Variants in UBN2 observed in about 807,000 individuals in gnomAD.
The protein encoded by UBN2 is ubinuclein 2.
A neutral mutation model predicts 120.2 loss-of-function variants in UBN2; 35 were observed. The observed-to-expected ratio is 0.29, with a 90% confidence interval of 0.22 to 0.39. UBN2 has a LOEUF of 0.39. Ranked by LOEUF, UBN2 falls within the 10% of genes least tolerant of loss-of-function variation. UBN2 has a pLI of 1.00. For synonymous variants in UBN2, 661 were observed against 648.7 expected (o/e 1.02, Z -0.29); for missense variants, 1,693 against 1,663.2 (o/e 1.02, Z -0.31).
rs1307805270 is a variant in UBN2, at chr7:139,308,055, C to T, written c.*10219C>T. The stretch of plus-strand genomic sequence containing the variant: ...TTTTTTTTTTTTAATTTTTTTGCAA[C>T]AGCCTTGCTCATATTCCAGGTGTAG... On this transcript the variant is annotated 3_prime_UTR_variant, in exon 18 of 18. Coordinates refer to ENST00000473989, the MANE Select transcript of UBN2 (RefSeq NM_173569.4). 1.4e-5 allele frequency: 2 copies of T among 147,826 alleles called. No individual in the cohort carries two copies. Among genetic ancestry groups the T allele is most frequent in the African/African-American group, 2.5e-5 (1 of 39,860 alleles). 9.2% of individuals were successfully genotyped at this position (147,826 alleles called of 1,614,324 possible). A position where few individuals can be genotyped will look rare whatever the true frequency, so the allele number is the denominator to read the frequency against.
In UBN2 at chr7:139,239,866, A is replaced by G. The variant is rs140056660; in HGVS notation, c.561+2769A>G. 3.0e-3 allele frequency among the ~76,000 whole-genome samples: 452 copies of G among 152,244 alleles called. 1 individual carries two copies. The highest frequency in any genetic ancestry group is 4.7e-3 in the Non-Finnish European group (317 of 67,992). On this transcript the variant is annotated intron_variant, in intron 2 of 17. Transcript: ENST00000473989. ...CCACTGCGCCCAGCCTAGAGTGTCT[A>G]TTTTGCTGTGGGTTACAAAATCAAG...
intron 3 of UBN2, among the ~76,000 whole-genome samples, chr7:139,255,391 G>A (rs759005007): frequency 5.3e-5 from 8 of 152,174 alleles, no homozygotes; most frequent in Non-Finnish European, 1.0e-4. Flanking sequence ...TTTTTATTGT[G>A]TGTGTATGTG....
chr7:139,244,367 TA>T (rs752317253), intron 2 of UBN2, among the ~76,000 whole-genome samples: 1 of 152,148 alleles, frequency 6.6e-6, no homozygotes, highest in Admixed American at 6.6e-5. Flanking sequence ...TCTTACACTA[TA>T]AAAAAATTTT....
At chr7:139,311,855 T>TA (rs1457528470), downstream of UBN2, among the ~76,000 whole-genome samples, 1 of 152,208 alleles carries the variant, frequency 6.6e-6, no homozygotes, top group African/African-American at 2.4e-5. Context: ...TGAGTGGTCT[T>TA]ACAGATATTT....
intron 15 of UBN2, among the ~76,000 whole-genome samples, chr7:139,288,785 C>T (rs534849683): frequency 2.0e-5 from 3 of 151,998 alleles, no homozygotes; most frequent in East Asian, 1.9e-4. Flanking sequence ...GAGCGGATCA[C>T]GAGGTCAGGA....
intron 15 of UBN2, among the ~76,000 whole-genome samples, chr7:139,289,749 C>T (rs891137262): frequency 1.3e-5 from 2 of 152,042 alleles, no homozygotes; most frequent in African/African-American, 4.8e-5. Context: ...AATTACACTC[C>T]TTCAGAAAAG....
chr7:139,270,270 CTTTT>C (rs563161456), intron 8 of UBN2, among the ~76,000 whole-genome samples: 3 of 134,392 alleles, frequency 2.2e-5, no homozygotes. Flanking sequence ...AGCAGAAATA[CTTTT>C]TTTTTTTTTT....
rs565201395 is a variant in UBN2, at chr7:139,280,646, T to C, written c.2067+1286T>C. Among the ~76,000 whole-genome samples, 28 of 152,234 alleles carry C rather than the reference T, an allele frequency of 1.8e-4. No individual in the cohort carries two copies. In the South Asian group the frequency reaches 5.8e-3, roughly 32 times the overall value. On this transcript the variant is annotated intron_variant, in intron 13 of 17. Coordinates refer to ENST00000473989, the MANE Select transcript of UBN2 (RefSeq NM_173569.4). ...CAGGGTAAATAGTCTTCTTTTTCTTTTTCTTGTTTTTCTTTTGGAGACAGA... is the reference window on the plus strand; with the variant it reads ...CAGGGTAAATAGTCTTCTTTTTCTTCTTCTTGTTTTTCTTTTGGAGACAGA...
the UBN2 span, among the ~76,000 whole-genome samples, chr7:139,323,555 GATTATTATTATT>G: frequency 0.16 from 22,411 of 141,502 alleles, 2,141 homozygotes; most frequent in Admixed American, 0.3. Flanking sequence ...TTCTGGACCT[GATTATTATTATT>G]ATTATTATTA....
chr7:139,276,288 A>T (rs1312807825), intron 12 of UBN2, 141 bp downstream of exon 12: 1 of 776,890 alleles, frequency 1.3e-6, no homozygotes, highest in African/African-American at 1.8e-5. Context: ...TTCAGAACAC[A>T]TTTATCTATT....
At chr7:139,252,203 C>A in intron 3 of UBN2, 146 bp downstream of exon 3, 3 of 443,356 alleles carry the variant, frequency 6.8e-6, no homozygotes, top group South Asian at 4.4e-5. Flanking sequence ...TTTCTTTACC[C>A]TTTTTTTTTT....
intron 5 of UBN2, among the ~76,000 whole-genome samples, chr7:139,260,317 C>G (rs536966639): frequency 2.6e-5 from 4 of 151,778 alleles, no homozygotes; most frequent in African/African-American, 9.7e-5. Context: ...AGGCTGGTCT[C>G]GAACTCCTGG....
the UBN2 span, among the ~76,000 whole-genome samples, chr7:139,323,855 C>T: frequency 6.6e-6 from 1 of 151,930 alleles, no homozygotes; most frequent in African/African-American, 2.4e-5. Context: ...TTCGTAGATG[C>T]AAGGAAAAAG....
At chr7:139,325,088 A>G in the UBN2 span, among the ~76,000 whole-genome samples, 1 of 152,180 alleles carries the variant, frequency 6.6e-6, no homozygotes, top group Non-Finnish European at 1.5e-5. Context: ...AAATGTTGAT[A>G]AAAGTATTTT....
At chr7:139,316,781 A>G in the UBN2 span, among the ~76,000 whole-genome samples, 7 of 149,612 alleles carry the variant, frequency 4.7e-5, no homozygotes, top group South Asian at 2.1e-4. Flanking sequence ...GTGTGTGTGT[A>G]TATATATATA....
intron 13 of UBN2, 46 bp downstream of exon 13, chr7:139,279,406 T>C (rs1233850216): frequency 7.1e-7 from 1 of 1,416,544 alleles, no homozygotes; most frequent in Admixed American, 1.9e-5. Context: ...TTGGTGAATG[T>C]TGAAATACAT....
intron 15 of UBN2, among the ~76,000 whole-genome samples, chr7:139,286,537 G>T (rs1389926261): frequency 6.6e-6 from 1 of 151,930 alleles, no homozygotes; most frequent in Non-Finnish European, 1.5e-5. Context: ...TTAGAAAAAA[G>T]AAAATAAAAA....
rs1454511526 is a variant in UBN2, at chr7:139,306,671, G to A, written c.*8835G>A. On this transcript the variant is annotated 3_prime_UTR_variant, in exon 18 of 18. Coordinates refer to ENST00000473989, the MANE Select transcript of UBN2 (RefSeq NM_173569.4). ...CACTGCCCTTTTGTTGATTGTCATT[G>A]AAAACTTACTTTATTTCAGAAAGTA... 1 of 152,178 alleles carries A rather than the reference G, an allele frequency of 6.6e-6. No homozygotes were observed. The highest frequency in any genetic ancestry group is 2.4e-5 in the African/African-American group (1 of 41,448). 9.4% of individuals were successfully genotyped at this position (152,178 alleles called of 1,614,324 possible).
At chr7:139,237,713 C>T (rs749025405) in intron 2 of UBN2, among the ~76,000 whole-genome samples, 21 of 152,206 alleles carry the variant, frequency 1.4e-4, no homozygotes, top group Admixed American at 2.6e-4. Flanking sequence ...TACAGTGTCA[C>T]ACAGTGGCAA....
Sources: gnomAD v4.1 joint callset for allele counts (sites outside exome capture counted in the v4.1 genomes callset) on GRCh38, gnomAD v4.1.1 for gene constraint, MANE v1.5 for transcripts, NCBI Gene and HGNC (gene_info 2026-07-23, HGNC 2026-07-21) for gene names.